GPLD1: variants seen among roughly 807,000 people sequenced by gnomAD.
The protein encoded by GPLD1 is glycosylphosphatidylinositol specific phospholipase D1.
GPLD1 carries 84 observed loss-of-function variants against 112.6 expected under a neutral mutation model. That is an observed-to-expected ratio of 0.75 (90% CI 0.63 to 0.89). The LOEUF (loss-of-function observed/expected upper bound fraction) is 0.89. Ranked by LOEUF, GPLD1 falls within the 40% of genes least tolerant of loss-of-function variation. The pLI is 0.00. For synonymous variants in GPLD1, 386 were observed against 403.8 expected, an observed-to-expected ratio of 0.96 and a Z score of 0.53; for missense variants, 1,044 against 1,051.5, an observed-to-expected ratio of 0.99 and a Z score of 0.10.
chr6:24,474,143 A>G (rs1444394144), intron 5 of GPLD1, among the ~76,000 whole-genome samples: 1 of 139,514 alleles, frequency 7.2e-6, no homozygotes, highest in East Asian at 2.0e-4. Context: ...AAACAAACAA[A>G]AAAACAACAA....
At chr6:24,491,336 GA>G (rs1259578930), upstream of GPLD1, among the ~76,000 whole-genome samples, 2 of 151,964 alleles carry the variant, frequency 1.3e-5, no homozygotes, top group Non-Finnish European at 2.9e-5. Context: ...GGTTACAGGG[GA>G]AAAAAATACT....
chr6:24,489,339 G>T (rs752042659), intron 1 of GPLD1, 76 bp downstream of exon 1: 17 of 1,121,772 alleles, frequency 1.5e-5, no homozygotes, highest in Non-Finnish European at 2.3e-5. Context: ...CCACGAGCGG[G>T]ATTTTCAGTC....
intron 2 of GPLD1, among the ~76,000 whole-genome samples, chr6:24,483,076 C>G (rs1764257320): frequency 6.6e-6 from 1 of 152,108 alleles, no homozygotes; most frequent in South Asian, 2.1e-4. Context: ...GCCTGTTATC[C>G]CAGCACTTTG....
In GPLD1 at chr6:24,437,295, A is replaced by G. The variant is rs755693131; in HGVS notation, c.2021-6T>C. Reference sequence around the variant, plus strand: ...TGCCACCTTAGACACGTCATCTGAAACGAACCACAGTTCCTGCTGGCCTCA... The same window carrying G: ...TGCCACCTTAGACACGTCATCTGAAGCGAACCACAGTTCCTGCTGGCCTCA... On this transcript the variant is annotated splice_polypyrimidine_tract_variant and splice_region_variant and intron_variant, in intron 20 of 24. Transcript: ENST00000230036. 2 of 1,612,428 alleles carry G rather than the reference A, an allele frequency of 1.2e-6. No individual in the cohort carries two copies. Among genetic ancestry groups the G allele is most frequent in the Admixed American group, 3.3e-5 (2 of 59,998 alleles).
intron 12 of GPLD1, among the ~76,000 whole-genome samples, chr6:24,458,003 C>T (rs1581757159): frequency 6.6e-6 from 1 of 151,960 alleles, no homozygotes; most frequent in Admixed American, 6.6e-5. Context: ...GGACAACAAG[C>T]CCCTCAGCTT....
chr6:24,457,501 G>A (rs1763304946), intron 12 of GPLD1, among the ~76,000 whole-genome samples: 1 of 152,078 alleles, frequency 6.6e-6, no homozygotes, highest in South Asian at 2.1e-4. Context: ...AAAAGAACAA[G>A]TCCTTTCAAT....
chr6:24,462,471 A>G (rs1426925917), intron 11 of GPLD1, among the ~76,000 whole-genome samples: 4 of 152,186 alleles, frequency 2.6e-5, no homozygotes. Context: ...AACATGTGCT[A>G]ATTGCTTTAC....
chr6:24,466,544 A>C lies in GPLD1; in HGVS notation c.821+136T>G, dbSNP rs145616924. ...TGAGTTTCCATTCTTTCCCTCTTTG[A>C]ATAGGTTAGAAAAGCACTTCATGAG... On this transcript the variant is annotated intron_variant, in intron 10 of 24. Transcript: ENST00000230036. 4.6e-6 allele frequency: 3 copies of C among 657,324 alleles called. No homozygotes were observed. The East Asian group carries it at 8.2e-5, about 18-fold the overall frequency. 40.7% of individuals were successfully genotyped at this position (657,324 alleles called of 1,614,324 possible). A position where few individuals can be genotyped will look rare whatever the true frequency, so the allele number is the denominator to read the frequency against.
At chr6:24,488,076 T>C (rs1330686008) in intron 1 of GPLD1, among the ~76,000 whole-genome samples, 1 of 152,136 alleles carries the variant, frequency 6.6e-6, no homozygotes, top group Non-Finnish European at 1.5e-5. Context: ...CTGGAGGTGG[T>C]ACAACTATAA....
In GPLD1 at chr6:24,453,908, G is replaced by A. The variant is rs572852205; in HGVS notation, c.1335+107C>T. ...CACAAATGTACACCACCAGCTGTTT[G>A]TTACTGTAATTATTCTTGTTATTAG... On this transcript the variant is annotated intron_variant, in intron 14 of 24. Coordinates refer to ENST00000230036, the MANE Select transcript of GPLD1 (RefSeq NM_001503.4). The A allele has an allele frequency of 4.1e-6, 3 of 728,682 alleles. No individual in the cohort carries two copies. In the East Asian group the frequency reaches 7.7e-5, roughly 19 times the overall value. The allele number at this position is 728,682 out of a possible 1,614,324, so 45.1% of individuals were successfully genotyped here.
At chr6:24,445,692 G>T (rs952182861) in intron 19 of GPLD1, 34 bp downstream of exon 19, 1 of 1,597,614 alleles carries the variant, frequency 6.3e-7, no homozygotes, top group Non-Finnish European at 8.6e-7. Flanking sequence ...TCCTTGGAGT[G>T]TCCACTCTCC....
In GPLD1 at chr6:24,429,034, A is replaced by C. The variant is rs1432535163; in HGVS notation, c.2521T>G (p.Ter841GlyextTer15). 6.2e-7 allele frequency: 1 copy of C among 1,606,498 alleles called. No homozygotes were observed. Among genetic ancestry groups the C allele is most frequent in the Non-Finnish European group, 8.5e-7 (1 of 1,173,914 alleles). ...AGTGGGGAAATGCAGTGAAATCTTC[A>C]ATCTGAGCCAAGGCTATAGACGTGA... ...ALHVYSLGSD[*>G] Residue 841 changes from the stop codon to glycine (G), a stop_lost, in exon 25 of 25, where the codon TGA becomes GGA. Transcript: ENST00000230036.
At chr6:24,439,323 C>T (rs1762675662) in intron 20 of GPLD1, among the ~76,000 whole-genome samples, 1 of 152,036 alleles carries the variant, frequency 6.6e-6, no homozygotes, top group African/African-American at 2.4e-5. Flanking sequence ...ATTAGAAAGC[C>T]TGAATAGGGC....
At chr6:24,438,246 C>A (rs1261319186) in intron 20 of GPLD1, among the ~76,000 whole-genome samples, 1 of 152,212 alleles carries the variant, frequency 6.6e-6, no homozygotes, top group African/African-American at 2.4e-5. Context: ...TGGTTCTGTA[C>A]AAGTATTCAA....
intron 20 of GPLD1, 39 bp from the exon 21 acceptor site, chr6:24,437,328 G>T: frequency 6.3e-7 from 1 of 1,591,246 alleles, no homozygotes. Flanking sequence ...TCACAGAAAG[G>T]AAGGCATTAC....
At chr6:24,454,560 C>T (rs1763205182) in intron 13 of GPLD1, among the ~76,000 whole-genome samples, 2 of 152,182 alleles carry the variant, frequency 1.3e-5, no homozygotes, top group South Asian at 2.1e-4. Context: ...TAGCCAATGG[C>T]GCAGGCCACT....
chr6:24,453,802 ATG>A (rs913318452), intron 14 of GPLD1, among the ~76,000 whole-genome samples: 6 of 152,056 alleles, frequency 3.9e-5, no homozygotes, highest in Admixed American at 1.3e-4. Flanking sequence ...TCTCAATAGC[ATG>A]TGTGTTTTTG....
intron 10 of GPLD1, among the ~76,000 whole-genome samples, chr6:24,465,026 G>A (rs1484170500): frequency 1.3e-5 from 2 of 151,224 alleles, no homozygotes; most frequent in East Asian, 3.9e-4. Context: ...GCAAAACTCT[G>A]TCTCTACAAA....
In GPLD1 at chr6:24,470,868, G is replaced by C. The variant is rs1043253937; in HGVS notation, c.545+1714C>G. The stretch of plus-strand genomic sequence containing the variant: ...CCTGCCTCACCCTCCCAAAGTGCTG[G>C]GATTACAGGCATGAGCCACCGTGCC... On this transcript the variant is annotated intron_variant, in intron 7 of 24. Coordinates refer to ENST00000230036, the MANE Select transcript of GPLD1 (RefSeq NM_001503.4). 2.2e-4 allele frequency among the ~76,000 whole-genome samples: 33 copies of C among 152,066 alleles called. 1 individual carries two copies. Among genetic ancestry groups the C allele is most frequent in the African/African-American group, 7.2e-4 (30 of 41,404 alleles).
Sources: allele counts gnomAD v4.1 joint callset (sites outside exome capture counted in the v4.1 genomes callset), GRCh38; gene constraint gnomAD v4.1.1; transcripts MANE v1.5; gene names NCBI Gene and HGNC (gene_info 2026-07-23, HGNC 2026-07-21).